EMB: variants seen among roughly 807,000 people sequenced by gnomAD.
The protein encoded by EMB is embigin homolog.
Under a neutral mutation model 41.4 loss-of-function variants are expected in EMB, and 31 were observed. The observed-to-expected ratio is 0.75, with a 90% confidence interval of 0.56 to 1.01. EMB has a LOEUF of 1.01. Ranked by LOEUF, EMB falls within the 50% of genes least tolerant of loss-of-function variation. The pLI is 0.00. For missense variants in EMB, 379 were observed against 388.3 expected (o/e 0.98, Z 0.20); for synonymous variants, 137 against 140.4 (o/e 0.98, Z 0.17).
chr5:50,400,203 T>C (rs1745138945), intron 7 of EMB, among the ~76,000 whole-genome samples: 1 of 152,024 alleles, frequency 6.6e-6, no homozygotes, highest in South Asian at 2.1e-4. Context: ...AACTTATGTG[T>C]GGTTTTGGAA....
intron 1 of EMB, among the ~76,000 whole-genome samples, chr5:50,433,506 T>C (rs1217129532): frequency 2.0e-5 from 3 of 152,248 alleles, no homozygotes; most frequent in Non-Finnish European, 2.9e-5. Flanking sequence ...CTAAGATTTC[T>C]ATTCTTTCTA....
chr5:50,437,143 T>C (rs1304034269), intron 1 of EMB, among the ~76,000 whole-genome samples: 1 of 152,130 alleles, frequency 6.6e-6, no homozygotes, highest in Non-Finnish European at 1.5e-5. Context: ...TGGTGGCATA[T>C]GCCTGTAGTC....
At chr5:50,416,369 C>T (rs1465320835) in intron 2 of EMB, among the ~76,000 whole-genome samples, 2 of 152,138 alleles carry the variant, frequency 1.3e-5, no homozygotes, top group Non-Finnish European at 2.9e-5. Flanking sequence ...TTCTTATTTT[C>T]ATAGGTAACA....
chr5:50,408,676 T>C (rs1240893138), intron 4 of EMB, among the ~76,000 whole-genome samples: 1 of 152,096 alleles, frequency 6.6e-6, no homozygotes, highest in South Asian at 2.1e-4. Flanking sequence ...CTACATGCAG[T>C]TGTAAGTCTT....
intron 4 of EMB, among the ~76,000 whole-genome samples, chr5:50,406,638 T>C (rs1745253756): frequency 6.6e-6 from 1 of 151,916 alleles, no homozygotes; most frequent in Non-Finnish European, 1.5e-5. Flanking sequence ...CCTTTAAAGA[T>C]GTATTATAGA....
upstream of EMB, chr5:50,441,400 T>A (rs1450714964): frequency 3.1e-6 from 1 of 319,866 alleles, no homozygotes; most frequent in African/African-American, 2.2e-5. Flanking sequence ...TTCCCGGATG[T>A]GCGGTGGCGG....
chr5:50,412,386 AG>A (rs2111799090), intron 2 of EMB, among the ~76,000 whole-genome samples: 1 of 152,112 alleles, frequency 6.6e-6, no homozygotes, highest in East Asian at 1.9e-4. Flanking sequence ...AGCCTTTCAA[AG>A]GAACTCCAAA....
rs1436176406 is a variant in EMB at position 50,398,921 on chromosome 5, T to C, written c.*352A>G. Reference sequence around the variant, plus strand: ...AGACAAATGGCAAAGGCTTTCTTTTTCATGAATTCTTTGGTTATAAACAGG... The same window carrying C: ...AGACAAATGGCAAAGGCTTTCTTTTCCATGAATTCTTTGGTTATAAACAGG... On this transcript the variant is annotated 3_prime_UTR_variant, in exon 9 of 9. Coordinates refer to ENST00000303221, the MANE Select transcript of EMB (RefSeq NM_198449.3). 5.9e-6 allele frequency: 1 copy of C among 169,152 alleles called. No individual in the cohort carries two copies. The highest frequency in any genetic ancestry group is 1.3e-5 in the Non-Finnish European group (1 of 78,824). 10.5% of individuals were successfully genotyped at this position (169,152 alleles called of 1,614,324 possible). A position where few individuals can be genotyped will look rare whatever the true frequency, so the allele number is the denominator to read the frequency against.
chr5:50,425,226 C>T (rs1179243573), intron 2 of EMB, among the ~76,000 whole-genome samples: 1 of 152,172 alleles, frequency 6.6e-6, no homozygotes, highest in Non-Finnish European at 1.5e-5. Flanking sequence ...CTTATCTTGA[C>T]TAATCTTCCC....
chr5:50,441,052 CG>C lies in EMB; in HGVS notation c.99del (p.Asp33GlufsTer18). On this transcript the variant is annotated frameshift_variant, in exon 1 of 9. Coordinates refer to ENST00000303221, the MANE Select transcript of EMB (RefSeq NM_198449.3). LOFTEE classifies it high-confidence loss of function. ...GTACCCATCACACCTGGGGCACTGC[CG>C]TCCGCCGAGCTTGGGCGCGCGGCAG... Reference protein sequence around the residue: ...LLAAARPSSADGSAPDSPFTS... With the variant: ...LLAAARPSSAXGSAPDSPFTS... The C allele has an allele frequency of 6.6e-7, 1 of 1,509,154 alleles. No homozygotes were observed. Among genetic ancestry groups the C allele is most frequent in the Non-Finnish European group, 8.9e-7 (1 of 1,129,230 alleles). The allele number at this position is 1,509,154 out of a possible 1,614,324, so 93.5% of individuals were successfully genotyped here. A position where few individuals can be genotyped will look rare whatever the true frequency, so the allele number is the denominator to read the frequency against.
chr5:50,409,626 AGGT>A lies in EMB; in HGVS notation c.472+1248_472+1250del, dbSNP rs149813231. 4.9e-3 allele frequency among the ~76,000 whole-genome samples: 752 copies of A among 151,922 alleles called. 4 individuals carry two copies. The highest frequency in any genetic ancestry group is 8.0e-3 in the Non-Finnish European group (545 of 67,916). On this transcript the variant is annotated intron_variant, in intron 4 of 8. Transcript: ENST00000303221. Reference sequence around the variant, plus strand: ...AGGGAAGGAAGGAAATGAACTCAAAAGGTGGGAGGGAAGAAAGGACAGAAAAAG... The same window carrying A: ...AGGGAAGGAAGGAAATGAACTCAAAAGGGAGGGAAGAAAGGACAGAAAAAG...
chr5:50,422,949 T>C (rs185151758), intron 2 of EMB, among the ~76,000 whole-genome samples: 4 of 152,262 alleles, frequency 2.6e-5, no homozygotes, highest in Admixed American at 6.5e-5. Flanking sequence ...GTGGTATTTA[T>C]CCTAGAGAAA....
At chr5:50,411,105 G>C (rs756266996) in intron 3 of EMB, 92 bp downstream of exon 3, 125 of 1,246,734 alleles carry the variant, frequency 1.0e-4, no homozygotes, top group Non-Finnish European at 1.3e-4. Flanking sequence ...TAACATTCAA[G>C]TGGCTGCAGA....
intron 4 of EMB, among the ~76,000 whole-genome samples, chr5:50,410,453 T>C (rs183251907): frequency 1.3e-5 from 2 of 152,282 alleles, no homozygotes; most frequent in African/African-American, 4.8e-5. Flanking sequence ...CTCCATATTA[T>C]TTTTAAGTTT....
In EMB at chr5:50,439,242, T is replaced by C. The variant is rs542866795; in HGVS notation, c.112+1798A>G. On this transcript the variant is annotated intron_variant, in intron 1 of 8. Transcript: ENST00000303221. ...ACTGGTTCTCAGAACTGCAATACTC[T>C]GAGGTGAACCAGGGATAGAAGAATT... is the stretch of plus-strand genomic sequence containing the variant. Among the ~76,000 whole-genome samples the C allele has an allele frequency of 1.2e-3, 176 of 152,198 alleles. 1 individual carries two copies. The highest frequency in any genetic ancestry group is 4.1e-3 in the African/African-American group (171 of 41,510).
chr5:50,415,000 G>A (rs1386846047), intron 2 of EMB, among the ~76,000 whole-genome samples: 2 of 152,098 alleles, frequency 1.3e-5, no homozygotes, highest in Non-Finnish European at 2.9e-5. Flanking sequence ...CTCCACTGAA[G>A]TCGTTTTTTT....
At chr5:50,408,453 G>A (rs530932493) in intron 4 of EMB, among the ~76,000 whole-genome samples, 125 of 152,016 alleles carry the variant, frequency 8.2e-4, no homozygotes, top group Non-Finnish European at 1.5e-3. Context: ...AAGTCAGCAG[G>A]TTTTTGTGCA....
Position 50,405,720 on chromosome 5 carries a change from C to T in EMB, c.600+5G>A, listed in dbSNP as rs1161908128. 1.5e-5 allele frequency: 23 copies of T among 1,575,778 alleles called. No individual in the cohort carries two copies. The highest frequency in any genetic ancestry group is 2.0e-5 in the Non-Finnish European group (23 of 1,166,598). On this transcript the variant is annotated splice_donor_5th_base_variant and intron_variant, in intron 5 of 8. Coordinates refer to ENST00000303221, the MANE Select transcript of EMB (RefSeq NM_198449.3). ...TGTTTTCTTCAAATCAAGGAACTAT[C>T]TTACCTTTACACTCCCATTACTACT...
chr5:50,406,609 A>G (rs1380420851), intron 4 of EMB, among the ~76,000 whole-genome samples: 13 of 151,992 alleles, frequency 8.6e-5, no homozygotes, highest in African/African-American at 3.1e-4. Context: ...ACATGGTGCA[A>G]TCAGTTCCTT....
Sources: gnomAD v4.1 joint callset for allele counts (sites outside exome capture counted in the v4.1 genomes callset) on GRCh38, gnomAD v4.1.1 for gene constraint, MANE v1.5 for transcripts, NCBI Gene and HGNC (gene_info 2026-07-23, HGNC 2026-07-21) for gene names.